The following METTL21C variants were observed in gnomAD, a reference collection of about 807,000 sequenced individuals.
METTL21C encodes the protein methyltransferase 21C, AARS1 lysine.
Under a neutral mutation model 25.9 loss-of-function variants are expected in METTL21C, and 21 were observed. The ratio of observed to expected loss-of-function variants is 0.81; its 90% confidence interval spans 0.58 to 1.17. The LOEUF is 1.17. METTL21C is among the 50% of genes most tolerant of loss of function. METTL21C has a pLI of 0.00. For missense variants in METTL21C, 312 were observed against 315.1 expected (o/e 0.99, Z 0.07); for synonymous variants, 125 against 124.7 (o/e 1.00, Z -0.01).
chr13:102,689,272 C>T (rs554928331), intron 2 of METTL21C, among the ~76,000 whole-genome samples: 11 of 152,188 alleles, frequency 7.2e-5, no homozygotes, highest in East Asian at 1.9e-4. Flanking sequence ...CCACTGCTGT[C>T]GTCTATTTGC....
At position 102,694,475 on chromosome 13, in the gene METTL21C, C is replaced by A. The variant is rs781339037; in HGVS notation, c.24G>T (p.Ala8=). Reference sequence around the variant, plus strand: ...CTTCCCCCCGGCGCCCAGGCTGCTGCGCGGAGCTCAGACACACGTCCATAG... The same window carrying A: ...CTTCCCCCCGGCGCCCAGGCTGCTGAGCGGAGCTCAGACACACGTCCATAG... The part of the protein sequence containing the change: MDVCLSS[A]QQPGRRGEGL... The change falls in exon 1 of 4, where the codon GCG becomes GCT. Residue 8 remains alanine (A), a synonymous_variant. Coordinates refer to ENST00000267273, the MANE Select transcript of METTL21C (RefSeq NM_001010977.3). 1 of 1,452,330 alleles carries A rather than the reference C, an allele frequency of 6.9e-7. No homozygotes were observed. The allele number at this position is 1,452,330 out of a possible 1,614,324, so 90.0% of individuals were successfully genotyped here.
At chr13:102,690,597 G>T (rs923346742) in intron 2 of METTL21C, among the ~76,000 whole-genome samples, 2 of 151,746 alleles carry the variant, frequency 1.3e-5, no homozygotes, top group African/African-American at 4.8e-5. Context: ...ATAATGTTTC[G>T]AGAAACAGAG....
Position 102,686,317 on chromosome 13 carries a change from A to G in METTL21C, c.509T>C (p.Leu170Pro). ...TTTGTCCAGGTCTTCCCCCCATACC[A>G]GTTCTTTCACTTCAGGCAGATGTGC... ...CTAHLPEVKE[L>P]VWGEDLDKNF... The change falls in exon 4 of 4, where the codon CTG becomes CCG. Residue 170 changes from leucine (L) to proline (P), a missense_variant. Leu to Pro is a moderately conservative substitution (Grantham distance 98, BLOSUM62 -3). Coordinates refer to ENST00000267273, the MANE Select transcript of METTL21C (RefSeq NM_001010977.3). 1 of 1,614,200 alleles carries G rather than the reference A, an allele frequency of 6.2e-7. No homozygotes were observed. Among genetic ancestry groups the G allele is most frequent in the Non-Finnish European group, 8.5e-7 (1 of 1,180,032 alleles).
intron 1 of METTL21C, among the ~76,000 whole-genome samples, chr13:102,692,437 T>C (rs1595245458): frequency 1.3e-5 from 2 of 152,350 alleles, no homozygotes; most frequent in African/African-American, 2.4e-5. Flanking sequence ...CACAACCATT[T>C]GACGATGCCT....
the METTL21C span, among the ~76,000 whole-genome samples, chr13:102,700,177 T>C: frequency 1.9e-4 from 29 of 152,300 alleles, no homozygotes; most frequent in Non-Finnish European, 3.4e-4. Context: ...AGTGAAGTTA[T>C]AGTCTTTTTA....
At chr13:102,687,999 G>T (rs1040611166) in intron 2 of METTL21C, among the ~76,000 whole-genome samples, 1 of 152,146 alleles carries the variant, frequency 6.6e-6, no homozygotes, top group African/African-American at 2.4e-5. Context: ...GGAGAGATTA[G>T]GAAGAGTTAT....
chr13:102,692,628 GTT>G (rs1885860609), intron 1 of METTL21C, among the ~76,000 whole-genome samples: 1 of 152,180 alleles, frequency 6.6e-6, no homozygotes, highest in Admixed American at 6.5e-5. Context: ...GGTGCCTTCA[GTT>G]CTTCAGAGTG....
rs749303727 is a variant in METTL21C at position 102,686,148 on chromosome 13, C to T, written c.678G>A (p.Arg226=). 2.3e-5 allele frequency: 37 copies of T among 1,614,014 alleles called. No individual in the cohort carries two copies. In the Admixed American group the frequency reaches 2.8e-4, roughly 12 times the overall value. ...CTAAAAATTCATAGTCGGTGCTGAA[C>T]CTGAATTTGTTTGCCCAAAGCAGCA... The part of the protein sequence containing the change: ...GTVLLWANKF[R]FSTDYEFLDK... Residue 226 remains arginine, a synonymous_variant, in exon 4 of 4, where the codon AGG becomes AGA. Coordinates refer to ENST00000267273, the MANE Select transcript of METTL21C (RefSeq NM_001010977.3).
chr13:102,696,927 C>T (rs1294563110), upstream of METTL21C, among the ~76,000 whole-genome samples: 1 of 152,042 alleles, frequency 6.6e-6, no homozygotes, highest in African/African-American at 2.4e-5. Context: ...GGGGGCAGGG[C>T]AGGGAGGGAA....
chr13:102,689,133 T>C (rs1410944654), intron 2 of METTL21C, among the ~76,000 whole-genome samples: 1 of 152,160 alleles, frequency 6.6e-6, no homozygotes, highest in Non-Finnish European at 1.5e-5. Context: ...TCTCACTATG[T>C]TGCCCAGGCT....
the METTL21C span, among the ~76,000 whole-genome samples, chr13:102,700,494 T>C: frequency 6.6e-6 from 1 of 152,240 alleles, no homozygotes; most frequent in Admixed American, 6.5e-5. Context: ...CCAGGTTTCA[T>C]GTTATCAAAA....
the METTL21C span, among the ~76,000 whole-genome samples, chr13:102,704,216 T>G: frequency 2.7e-3 from 404 of 152,340 alleles, 3 homozygotes; most frequent in African/African-American, 9.3e-3. Context: ...CAGATGGATA[T>G]TCTCAGCTTT....
At chr13:102,693,772 G>A (rs542860526) in intron 1 of METTL21C, among the ~76,000 whole-genome samples, 1 of 152,292 alleles carries the variant, frequency 6.6e-6, no homozygotes, top group Admixed American at 6.5e-5. Flanking sequence ...AGATAAGGTA[G>A]AGTTGCATTT....
intron 1 of METTL21C, among the ~76,000 whole-genome samples, chr13:102,692,060 G>T (rs1054910792): frequency 4.6e-5 from 7 of 152,128 alleles, no homozygotes; most frequent in African/African-American, 1.2e-4. Context: ...GGGGGAGGAA[G>T]GTCAGTTTTG....
chr13:102,689,690 G>A (rs542565418), intron 2 of METTL21C, among the ~76,000 whole-genome samples: 14 of 152,198 alleles, frequency 9.2e-5, no homozygotes, highest in Non-Finnish European at 1.6e-4. Context: ...CACTGGCTCT[G>A]AGGGCCACTG....
rs535342881 is a variant in METTL21C at position 102,690,944 on chromosome 13, A to G, written c.151T>C (p.Ser51Pro). The change falls in exon 2 of 4, where the codon TCT becomes CCT. Residue 51 changes from serine (S) to proline (P), a missense_variant. Physicochemically the swap from Ser to Pro is moderately conservative, Grantham distance 74. Coordinates refer to ENST00000267273, the MANE Select transcript of METTL21C (RefSeq NM_001010977.3). ...VLEESNKIEP[S>P]LHSLQKFVPT... is the part of the protein sequence containing the mutation. ...ACAAATTTCTGGAGGCTATGAAGAG[A>G]TGGTTCTATCTTGTTGGATTCTGTG... The G allele has an allele frequency of 1.2e-6, 2 of 1,614,064 alleles. No homozygotes were observed. The highest frequency in any genetic ancestry group is 1.7e-5 in the Admixed American group (1 of 60,010).
At chr13:102,695,409 A>C (rs1417880092), upstream of METTL21C, among the ~76,000 whole-genome samples, 1 of 152,190 alleles carries the variant, frequency 6.6e-6, no homozygotes. Context: ...GAGAAAAATC[A>C]TGTGCTCATT....
the METTL21C span, among the ~76,000 whole-genome samples, chr13:102,701,471 C>T: frequency 6.6e-6 from 1 of 152,150 alleles, no homozygotes; most frequent in Non-Finnish European, 1.5e-5. Flanking sequence ...AAGGAAGCTG[C>T]CTCCATAGCT....
chr13:102,701,366 G>A, the METTL21C span, among the ~76,000 whole-genome samples: 1 of 152,210 alleles, frequency 6.6e-6, no homozygotes, highest in East Asian at 1.9e-4. Flanking sequence ...ACCAGGTTCT[G>A]GAAGGAAATG....
Sources: allele counts gnomAD v4.1 joint callset (sites outside exome capture counted in the v4.1 genomes callset), GRCh38; gene constraint gnomAD v4.1.1; transcripts MANE v1.5; gene names NCBI Gene and HGNC (gene_info 2026-07-23, HGNC 2026-07-21).